The following SESN1 variants were observed in gnomAD, a reference collection of about 807,000 sequenced individuals.
The protein encoded by SESN1 is sestrin 1, also known as sestrin-1.
In SESN1, 30 loss-of-function variants were observed where a neutral mutation model predicts 59.3. That is an observed-to-expected ratio of 0.51 (90% confidence interval 0.38 to 0.69). The LOEUF (loss-of-function observed/expected upper bound fraction) is 0.69, where lower values mean the gene tolerates loss of function less well. Among genes scored for constraint, SESN1 ranks in the 30% least tolerant of loss-of-function variants. SESN1 has a pLI of 0.00. For missense variants in SESN1, 566 were observed against 673.0 expected, an observed-to-expected ratio of 0.84 and a Z score of 1.76; for synonymous variants, 197 against 219.9, an observed-to-expected ratio of 0.90 and a Z score of 0.92.
intron 1 of SESN1, among the ~76,000 whole-genome samples, chr6:109,014,977 G>T (rs1439361744): frequency 2.0e-5 from 3 of 152,014 alleles, no homozygotes; most frequent in Non-Finnish European, 4.4e-5. Context: ...CTGTATTTTT[G>T]GTTTACTGCT....
chr6:109,016,018 A>G (rs1365707205), intron 1 of SESN1, among the ~76,000 whole-genome samples: 1 of 152,220 alleles, frequency 6.6e-6, no homozygotes, highest in Non-Finnish European at 1.5e-5. Flanking sequence ...TCCATTCAAA[A>G]TAGATTAAAA....
intron 1 of SESN1, among the ~76,000 whole-genome samples, chr6:109,089,584 A>T (rs569744687): frequency 7.9e-5 from 12 of 152,208 alleles, no homozygotes; most frequent in Non-Finnish European, 1.2e-4. Context: ...GATGTCTCAT[A>T]GGCAACTTAA....
intron 1 of SESN1, among the ~76,000 whole-genome samples, chr6:109,034,106 G>A (rs1007968530): frequency 1.3e-5 from 2 of 152,128 alleles, no homozygotes; most frequent in African/African-American, 4.8e-5. Context: ...TATTAGTTGT[G>A]GGACCTACCT....
At chr6:109,079,032 T>C (rs551282637) in intron 1 of SESN1, among the ~76,000 whole-genome samples, 11 of 152,192 alleles carry the variant, frequency 7.2e-5, no homozygotes, top group Admixed American at 2.0e-4. Context: ...TCAAAGACCA[T>C]TGTAGACTGG....
chr6:109,032,532 C>T (rs1256216888), intron 1 of SESN1, among the ~76,000 whole-genome samples: 7 of 151,376 alleles, frequency 4.6e-5, no homozygotes, highest in Non-Finnish European at 7.4e-5. Flanking sequence ...GCAGGAGAAT[C>T]GCTTGAACCC....
chr6:109,079,194 G>GAA (rs200879750), intron 1 of SESN1, among the ~76,000 whole-genome samples: 13,110 of 143,894 alleles, frequency 0.091, 1,186 homozygotes, highest in African/African-American at 0.23. Context: ...GTGCTAAACT[G>GAA]AAAAAAAAAA....
intron 1 of SESN1, among the ~76,000 whole-genome samples, chr6:109,054,756 A>ATTAAGAATATTAAC (rs1484315658): frequency 1.4e-5 from 2 of 144,286 alleles, no homozygotes; most frequent in Non-Finnish European, 3.0e-5. Flanking sequence ...TTCTTTGCAC[A>ATTAAGAATATTAAC]TTAAGAATAT....
Position 109,049,317 on chromosome 6 carries a change from CA to C in SESN1, c.279+44477del, listed in dbSNP as rs778633904. The stretch of plus-strand genomic sequence containing the variant: ...TATGTTCTCACTCATATGTGAAAGC[CA>C]AAAAAAAAAAGTTGATCTCATGGAA... On this transcript the variant is annotated intron_variant, in intron 1 of 9. Transcript: ENST00000436639. Among the ~76,000 whole-genome samples the C allele has an allele frequency of 8.2e-4, 112 of 136,968 alleles. 1 individual carries two copies. Among genetic ancestry groups the C allele is most frequent in the Middle Eastern group, 7.2e-3 (2 of 278 alleles). 89.9% of individuals were successfully genotyped at this position (136,968 alleles called of 152,430 possible).
chr6:109,048,153 AAC>A (rs1448287014), intron 1 of SESN1, among the ~76,000 whole-genome samples: 2 of 152,302 alleles, frequency 1.3e-5, no homozygotes, highest in Admixed American at 1.3e-4. Context: ...CATTCACTGA[AAC>A]AGTGACAAGA....
intron 8 of SESN1, among the ~76,000 whole-genome samples, chr6:108,990,225 C>T (rs1165007136): frequency 6.6e-6 from 1 of 151,914 alleles, no homozygotes; most frequent in East Asian, 1.9e-4. Flanking sequence ...ATTATGAGAG[C>T]AAGTACTCCT....
At chr6:109,013,156 C>T (rs999345210) in intron 1 of SESN1, among the ~76,000 whole-genome samples, 5 of 151,526 alleles carry the variant, frequency 3.3e-5, no homozygotes, top group East Asian at 1.9e-4. Context: ...TTAAAGAATA[C>T]GGATTTCATT....
intron 9 of SESN1, 185 bp downstream of exon 9, chr6:108,988,358 T>C (rs1213966183): frequency 2.3e-5 from 11 of 482,170 alleles, no homozygotes; most frequent in Admixed American, 8.2e-5. Context: ...TCCCTGTCTT[T>C]ATTCTTTTAC....
At chr6:108,990,545 T>C in intron 8 of SESN1, 100 bp downstream of exon 8, 1 of 1,059,180 alleles carries the variant, frequency 9.4e-7, no homozygotes, top group South Asian at 1.4e-5. Flanking sequence ...AGGGGATGGG[T>C]TTTGATTATG....
At chr6:109,037,624 G>A (rs1285121725) in intron 1 of SESN1, among the ~76,000 whole-genome samples, 2 of 152,128 alleles carry the variant, frequency 1.3e-5, no homozygotes, top group East Asian at 1.9e-4. Context: ...TTCTATAGAT[G>A]AAGAAATTGA....
chr6:109,006,685 G>C (rs1779740451), intron 1 of SESN1, among the ~76,000 whole-genome samples: 1 of 152,118 alleles, frequency 6.6e-6, no homozygotes, highest in Non-Finnish European at 1.5e-5. Flanking sequence ...TTATTATACA[G>C]TAGTAGTCTT....
intron 1 of SESN1, among the ~76,000 whole-genome samples, chr6:109,050,589 A>C (rs1018281175): frequency 6.6e-6 from 1 of 152,192 alleles, no homozygotes; most frequent in Non-Finnish European, 1.5e-5. Flanking sequence ...ACATCAAAGC[A>C]GTCTCTAACT....
intron 1 of SESN1, among the ~76,000 whole-genome samples, chr6:109,078,491 A>G (rs1172235789): frequency 6.6e-6 from 1 of 152,226 alleles, no homozygotes; most frequent in African/African-American, 2.4e-5. Context: ...TAATACATTT[A>G]TATCATAAAT....
chr6:109,041,989 C>G (rs576500640), intron 1 of SESN1, among the ~76,000 whole-genome samples: 30 of 151,960 alleles, frequency 2.0e-4, no homozygotes, highest in African/African-American at 7.2e-4. Context: ...GAAAATCATG[C>G]AAAGTATGTG....
intron 1 of SESN1, among the ~76,000 whole-genome samples, chr6:109,017,179 T>C (rs1222532611): frequency 6.6e-6 from 1 of 152,176 alleles, no homozygotes; most frequent in Non-Finnish European, 1.5e-5. Flanking sequence ...CTATTTGGCA[T>C]TGAGCCTTAA....
Sources: gnomAD v4.1 joint callset for allele counts (sites outside exome capture counted in the v4.1 genomes callset) on GRCh38, gnomAD v4.1.1 for gene constraint, MANE v1.5 for transcripts, NCBI Gene and HGNC (gene_info 2026-07-23, HGNC 2026-07-21) for gene names.